NLRX1: variants seen among roughly 807,000 people sequenced by gnomAD.
The protein encoded by NLRX1 is NOD-like receptor X1.
In NLRX1, 67 loss-of-function variants were observed where a neutral mutation model predicts 74.2. The ratio of observed to expected loss-of-function variants is 0.90; its 90% CI spans 0.74 to 1.11. The LOEUF is 1.11. Among genes scored for constraint, NLRX1 ranks in the 50% least tolerant of loss-of-function variants. NLRX1 has a pLI of 0.00. For synonymous variants in NLRX1, 506 were observed against 559.1 expected, an observed-to-expected ratio of 0.91 and a Z score of 1.34; for missense variants, 1,191 against 1,305.4, an observed-to-expected ratio of 0.91 and a Z score of 1.35.
chr11:119,174,324 G>T, intron 5 of NLRX1, 129 bp from the exon 6 acceptor site: 2 of 1,081,268 alleles, frequency 1.8e-6, no homozygotes, highest in Middle Eastern at 2.4e-4. Context: ...TTCAGTAATT[G>T]CTAGTTATAA....
At position 119,174,109 on chromosome 11, in the gene NLRX1, C is replaced by G. The variant is rs1948631684; in HGVS notation, c.849+11C>G. 6.2e-7 allele frequency: 1 copy of G among 1,611,902 alleles called. No individual in the cohort carries two copies. Among genetic ancestry groups the G allele is most frequent in the Non-Finnish European group, 8.5e-7 (1 of 1,178,698 alleles). On this transcript the variant is annotated intron_variant, in intron 5 of 9. Transcript: ENST00000409109. Reference sequence around the variant, plus strand: ...TACATGCTGCCTCAGGTGGGTGGCCCTTTACCCCAGGTTATCACTGCTGCC... The same window carrying G: ...TACATGCTGCCTCAGGTGGGTGGCCGTTTACCCCAGGTTATCACTGCTGCC...
chr11:119,178,302 A>G (rs1398839487), intron 6 of NLRX1, among the ~76,000 whole-genome samples: 1 of 152,176 alleles, frequency 6.6e-6, no homozygotes, highest in Admixed American at 6.5e-5. Flanking sequence ...GGAATGGGGG[A>G]AGATATCACA....
intron 6 of NLRX1, chr11:119,177,813 C>A (rs1948737416): frequency 6.6e-6 from 1 of 152,104 alleles, no homozygotes. Context: ...AGAAAGCCCC[C>A]AGTTATTGAA....
rs1197674485 is a variant in NLRX1, at chr11:119,168,791, C to T, written c.-560C>T. ...GGACGGGTGGCGCCGGGGTTCCAGC[C>T]CTGCGCCTGCTCCGGAGCACCGGGC... On this transcript the variant is annotated 5_prime_UTR_variant, in exon 1 of 10. Transcript: ENST00000409109. The T allele has an allele frequency of 6.6e-6, 1 of 152,376 alleles. No homozygotes were observed. Among genetic ancestry groups the T allele is most frequent in the Non-Finnish European group, 1.5e-5 (1 of 68,190 alleles). The allele number at this position is 152,376 out of a possible 1,614,324, so 9.4% of individuals were successfully genotyped here.
chr11:119,172,688 C>A (rs569668529), intron 3 of NLRX1, among the ~76,000 whole-genome samples: 10 of 152,282 alleles, frequency 6.6e-5, no homozygotes, highest in African/African-American at 2.2e-4. Context: ...TCCAGGCGGG[C>A]AGTCAGCAGT....
rs74950586 is a variant in NLRX1, at chr11:119,180,151, A to G, written c.2130A>G (p.Pro710=). 9.3e-6 allele frequency: 15 copies of G among 1,613,216 alleles called. No homozygotes were observed. The African/African-American group carries it at 1.9e-4, about 20-fold the overall frequency. The change falls in exon 7 of 10, where the codon CCA becomes CCG. Residue 710 remains proline, a synonymous_variant. Transcript: ENST00000409109. The stretch of plus-strand genomic sequence containing the variant: ...ACCTGGCAGGTGTGCGCATGACACC[A>G]GTCAAGTGCACAGTGGTGGCAGCTG... ...QLNLAGVRMT[P]VKCTVVAAVL... is the part of the protein sequence containing the mutation.
chr11:119,179,311 C>A (rs1162196575), intron 6 of NLRX1, among the ~76,000 whole-genome samples: 1 of 152,116 alleles, frequency 6.6e-6, no homozygotes, highest in Non-Finnish European at 1.5e-5. Flanking sequence ...TGAGAGATGA[C>A]CCTGGAAAGG....
At chr11:119,175,907 C>T (rs748967302) in intron 6 of NLRX1, among the ~76,000 whole-genome samples, 2 of 152,122 alleles carry the variant, frequency 1.3e-5, no homozygotes, top group African/African-American at 4.8e-5. Context: ...GTGTGCCAGG[C>T]GCGTTATCAG....
At position 119,183,022 on chromosome 11, in the gene NLRX1, A is replaced by T. The variant is rs1280849771; in HGVS notation, c.2607-96A>T. On this transcript the variant is annotated intron_variant, in intron 9 of 9. Transcript: ENST00000409109. This position sits in a 1 kb window ranked among gnomAD's most constrained non-coding sequence, Gnocchi z 5.7. ...CCTGATCGCACTCTGCAGCCAGGAG[A>T]TGAGTTGTGAGGCCCCCTGACTTTC... 1 of 1,107,868 alleles carries T rather than the reference A, an allele frequency of 9.0e-7. No individual in the cohort carries two copies. Among genetic ancestry groups the T allele is most frequent in the Non-Finnish European group, 1.3e-6 (1 of 773,080 alleles). 68.6% of individuals were successfully genotyped at this position (1,107,868 alleles called of 1,614,324 possible).
intron 9 of NLRX1, among the ~76,000 whole-genome samples, chr11:119,182,650 G>A (rs1948869334): frequency 1.3e-5 from 2 of 152,104 alleles, no homozygotes; most frequent in African/African-American, 4.8e-5. Flanking sequence ...ACTTCGGGGG[G>A]CCAAGGCGGG....
intron 8 of NLRX1, among the ~76,000 whole-genome samples, chr11:119,181,591 G>A (rs1948838413): frequency 6.6e-6 from 1 of 152,180 alleles, no homozygotes; most frequent in Admixed American, 6.5e-5. Context: ...TCCCGAGGAG[G>A]ACCCTAATGC....
rs193268671 is a variant in NLRX1 at position 119,173,429 on chromosome 11, A to T, written c.230-50A>T. On this transcript the variant is annotated intron_variant, in intron 4 of 9. Coordinates refer to ENST00000409109, the MANE Select transcript of NLRX1 (RefSeq NM_001282144.2). The surrounding 1 kb of genome is among the most constrained non-coding windows in gnomAD (Gnocchi z 4.0). ...CCACCGCCCTGATTGGCCCTAAGCT[A>T]CATCTCCAGGCCCCTTTCCCTGACA... The T allele has an allele frequency of 1.3e-6, 2 of 1,577,782 alleles. No homozygotes were observed. The highest frequency in any genetic ancestry group is 2.3e-5 in the South Asian group (2 of 86,672).
At chr11:119,179,611 TG>T in intron 6 of NLRX1, 81 bp from the exon 7 acceptor site, 2 of 1,115,054 alleles carry the variant, frequency 1.8e-6, no homozygotes, top group Non-Finnish European at 2.5e-6. Flanking sequence ...GGAGCAGTCA[TG>T]GGAGTGTACC....
At position 119,179,806 on chromosome 11, in the gene NLRX1, C is replaced by T. The variant is rs756992600; in HGVS notation, c.1785C>T (p.Asp595=). ...EEDYYNDDVL[D]QMGASILGVE... is the part of the protein sequence containing the mutation. Reference sequence around the variant, plus strand: ...ACTACTACAACGATGATGTTCTGGACCAGATGGGCGCCAGTATCCTGGGCG... The same window carrying T: ...ACTACTACAACGATGATGTTCTGGATCAGATGGGCGCCAGTATCCTGGGCG... The change falls in exon 7 of 10, where the codon GAC becomes GAT. Residue 595 remains aspartate, a synonymous_variant. Transcript: ENST00000409109. 5.6e-6 allele frequency: 9 copies of T among 1,614,168 alleles called. No individual in the cohort carries two copies. The South Asian group carries it at 8.8e-5, about 16-fold the overall frequency.
Position 119,183,098 on chromosome 11 carries a change from G to C in NLRX1, c.2607-20G>C. ...TCTCAGAGCTCTACTGAATGGCATC[G>C]ACTTTCTCTCTCCTGCCAGCCTCTA... is the stretch of plus-strand genomic sequence containing the variant. On this transcript the variant is annotated intron_variant, in intron 9 of 9. Coordinates refer to ENST00000409109, the MANE Select transcript of NLRX1 (RefSeq NM_001282144.2). This position sits in a 1 kb window ranked among gnomAD's most constrained non-coding sequence, Gnocchi z 5.7. 6.2e-7 allele frequency: 1 copy of C among 1,610,526 alleles called. No individual in the cohort carries two copies. The highest frequency in any genetic ancestry group is 8.5e-7 in the Non-Finnish European group (1 of 1,178,220).
chr11:119,171,433 C>G lies in NLRX1; in HGVS notation c.30C>G (p.Ala10=), dbSNP rs1287354110. 6.2e-7 allele frequency: 1 copy of G among 1,613,856 alleles called. No individual in the cohort carries two copies. The highest frequency in any genetic ancestry group is 8.5e-7 in the Non-Finnish European group (1 of 1,179,942). The part of the protein sequence containing the change: MRWGHHLPR[A]SWGSGFRRAL... ...GGTGGGGCCACCATTTGCCCAGGGC[C>G]TCTTGGGGCTCTGGTTTTAGAAGAG... The change falls in exon 2 of 10, where the codon GCC becomes GCG. Residue 10 remains alanine (A), a synonymous_variant. Transcript: ENST00000409109.
Position 119,172,940 on chromosome 11 carries a change from T to TC in NLRX1, c.185dup (p.Pro63ThrfsTer15). The stretch of plus-strand genomic sequence containing the variant: ...ACCACGGAAGCTCGGTAGATAGCGC[T>TC]CCCCCACCCGGGAGGCATGGACGGC... On this transcript the variant is annotated frameshift_variant, in exon 4 of 10. Transcript: ENST00000409109. LOFTEE classifies it high-confidence loss of function. The TC allele has an allele frequency of 2.5e-6, 4 of 1,613,658 alleles. No individual in the cohort carries two copies. Among genetic ancestry groups the TC allele is most frequent in the Non-Finnish European group, 3.4e-6 (4 of 1,179,874 alleles).
chr11:119,183,666 A>C lies in NLRX1; in HGVS notation c.*227A>C. On this transcript the variant is annotated 3_prime_UTR_variant, in exon 10 of 10. Transcript: ENST00000409109. This position sits in a 1 kb window ranked among gnomAD's most constrained non-coding sequence, Gnocchi z 5.7. The stretch of plus-strand genomic sequence containing the variant: ...AATGCTTCGGGCTTGGAGATGGAAC[A>C]TGCCTCCTCTCCATTCAGCTAGAAG... The C allele has an allele frequency of 1.4e-6, 1 of 729,194 alleles. No homozygotes were observed. Among genetic ancestry groups the C allele is most frequent in the Non-Finnish European group, 2.5e-6 (1 of 399,492 alleles). The allele number at this position is 729,194 out of a possible 1,614,324, so 45.2% of individuals were successfully genotyped here.
In NLRX1 at chr11:119,171,403, G is replaced by A. The variant is rs773719777; in HGVS notation, c.-1G>A. The A allele has an allele frequency of 1.2e-6, 2 of 1,613,708 alleles. No individual in the cohort carries two copies. The highest frequency in any genetic ancestry group is 1.7e-6 in the Non-Finnish European group (2 of 1,179,888). ...CCCAGGCTCTGACCTTCTTTCCCAGGATGAGGTGGGGCCACCATTTGCCCA... is the reference window on the plus strand; with the variant it reads ...CCCAGGCTCTGACCTTCTTTCCCAGAATGAGGTGGGGCCACCATTTGCCCA... On this transcript the variant is annotated 5_prime_UTR_variant, in exon 2 of 10. Coordinates refer to ENST00000409109, the MANE Select transcript of NLRX1 (RefSeq NM_001282144.2).
Sources: gnomAD v4.1 joint callset for allele counts (sites outside exome capture counted in the v4.1 genomes callset) on GRCh38, gnomAD v4.1.1 for gene constraint, Gnocchi (gnomAD v3.1) non-coding constraint, MANE v1.5 for transcripts, NCBI Gene and HGNC (gene_info 2026-07-23, HGNC 2026-07-21) for gene names.